The following RBFOX1 variants were observed in gnomAD, a reference collection of about 807,000 sequenced individuals.
The protein encoded by RBFOX1 is RNA binding fox-1 homolog 1.
A neutral mutation model predicts 57.7 loss-of-function variants in RBFOX1; 8 were observed. The ratio of observed to expected loss-of-function variants is 0.14; its 90% CI spans 0.08 to 0.25. The LOEUF (loss-of-function observed/expected upper bound fraction) is 0.25, where lower values mean the gene tolerates loss of function less well. Among genes scored for constraint, RBFOX1 ranks in the 10% least tolerant of loss-of-function variants. The probability of loss-of-function intolerance (pLI) is 1.00; values close to 1 mark genes in which losing one functional copy is unlikely to be tolerated. For synonymous variants in RBFOX1, 326 were observed against 222.4 expected, an observed-to-expected ratio of 1.47 and a Z score of -4.15; for missense variants, 611 against 548.5, an observed-to-expected ratio of 1.11 and a Z score of -1.14.
rs1035036423 is a variant in RBFOX1 at position 7,365,694 on chromosome 16, G to A, written c.28-152453G>A. 4.6e-5 allele frequency among the ~76,000 whole-genome samples: 7 copies of A among 152,170 alleles called. No individual in the cohort carries two copies. In the East Asian group the frequency reaches 1.4e-3, roughly 29 times the overall value. The stretch of plus-strand genomic sequence containing the variant: ...CAGTAAAGGTACTTTACTTCCCACA[G>A]TACAGAATTATAGCACCCAAAATAT... On this transcript the variant is annotated intron_variant, in intron 4 of 15. Coordinates refer to ENST00000550418, the MANE Select transcript of RBFOX1 (RefSeq NM_018723.4).
intron 2 of RBFOX1, among the ~76,000 whole-genome samples, chr16:5,524,355 G>A (rs2044148974): frequency 6.6e-6 from 1 of 152,148 alleles, no homozygotes; most frequent in Admixed American, 6.5e-5. Flanking sequence ...CATTGCCTTC[G>A]AGAGACACTT....
rs186157859 is a variant in RBFOX1, at chr16:5,546,893, A to G, written c.259-52009A>G. Among the ~76,000 whole-genome samples the G allele has an allele frequency of 1.5e-4, 23 of 152,304 alleles. No homozygotes were observed. In the East Asian group the frequency reaches 2.7e-3, roughly 18 times the overall value. On this transcript the variant is annotated intron_variant, in intron 2 of 2. Coordinates refer to the RBFOX1 transcript ENST00000585867. ...GACTTATGTGTAGAATGGGTAAAGA[A>G]CTCTCAAAACTCGATAATAAGACAA...
chr16:6,255,902 C>T (rs1461714363), intron 1 of RBFOX1, among the ~76,000 whole-genome samples: 1 of 151,176 alleles, frequency 6.6e-6, no homozygotes, highest in Non-Finnish European at 1.5e-5. Flanking sequence ...TGGTGGGGTG[C>T]AAAGGGAGGG....
chr16:5,318,637 G>T (rs977068115), intron 1 of RBFOX1, among the ~76,000 whole-genome samples: 1 of 152,172 alleles, frequency 6.6e-6, no homozygotes, highest in East Asian at 1.9e-4. Flanking sequence ...GGAGCCCAGG[G>T]TTCCTCCTTG....
intron 2 of RBFOX1, among the ~76,000 whole-genome samples, chr16:6,587,422 C>T (rs2097645212): frequency 6.6e-6 from 1 of 152,134 alleles, no homozygotes; most frequent in Admixed American, 6.6e-5. Context: ...GCTGGGATTA[C>T]AGGTGCACAC....
At chr16:6,843,106 G>T (rs1257505891) in intron 3 of RBFOX1, among the ~76,000 whole-genome samples, 4 of 152,118 alleles carry the variant, frequency 2.6e-5, no homozygotes, top group African/African-American at 9.7e-5. Flanking sequence ...ATTGTAAATA[G>T]GTTGTTTCTT....
At chr16:5,980,541 G>A (rs865810894) in intron 4 of RBFOX1, among the ~76,000 whole-genome samples, 1 of 152,152 alleles carries the variant, frequency 6.6e-6, no homozygotes, top group East Asian at 1.9e-4. Flanking sequence ...GTGATCCTCC[G>A]CATTCTCAGA....
At chr16:6,796,668 T>C (rs1057260648) in intron 3 of RBFOX1, among the ~76,000 whole-genome samples, 8 of 152,204 alleles carry the variant, frequency 5.3e-5, no homozygotes, top group Non-Finnish European at 1.2e-4. Flanking sequence ...TTCTTAAATA[T>C]GTACAGATGT....
At chr16:6,494,870 G>A (rs137933419) in intron 2 of RBFOX1, among the ~76,000 whole-genome samples, 1 of 152,288 alleles carries the variant, frequency 6.6e-6, no homozygotes, top group Non-Finnish European at 1.5e-5. Context: ...AGAATAGCCA[G>A]CATTTATGTA....
In RBFOX1 at chr16:7,515,434, G is replaced by A. The variant is rs961811149; in HGVS notation, c.28-2713G>A. 4.6e-5 allele frequency among the ~76,000 whole-genome samples: 7 copies of A among 152,030 alleles called. No individual in the cohort carries two copies. In the East Asian group the frequency reaches 1.2e-3, roughly 25 times the overall value. ...AAATACTGTATTATATACTGGAAGT[G>A]TGCTAAGAGGATAGATCTTAAATTA... On this transcript the variant is annotated intron_variant, in intron 4 of 15. Transcript: ENST00000550418.
intron 1 of RBFOX1, among the ~76,000 whole-genome samples, chr16:5,277,959 T>C (rs972286494): frequency 6.6e-6 from 1 of 152,170 alleles, no homozygotes; most frequent in Non-Finnish European, 1.5e-5. Context: ...GCAGTAAATA[T>C]GGGGGTACGG....
intron 3 of RBFOX1, among the ~76,000 whole-genome samples, chr16:6,774,444 C>G (rs1042739000): frequency 6.6e-6 from 1 of 152,072 alleles, no homozygotes; most frequent in Non-Finnish European, 1.5e-5. Context: ...GTTCCAGAAG[C>G]AAATTAAATA....
At chr16:7,143,811 T>C (rs973190203) in intron 4 of RBFOX1, among the ~76,000 whole-genome samples, 26 of 152,302 alleles carry the variant, frequency 1.7e-4, no homozygotes, top group African/African-American at 5.5e-4. Context: ...ATACTGCTTA[T>C]ACACAGTATA....
chr16:5,796,610 A>T (rs929291316), intron 3 of RBFOX1, among the ~76,000 whole-genome samples: 13 of 152,358 alleles, frequency 8.5e-5, no homozygotes, highest in African/African-American at 3.1e-4. Context: ...CAGACCTTTC[A>T]TGAGCACTAA....
chr16:7,497,175 A>T (rs1367906622), intron 4 of RBFOX1, among the ~76,000 whole-genome samples: 1 of 152,066 alleles, frequency 6.6e-6, no homozygotes, highest in Non-Finnish European at 1.5e-5. Flanking sequence ...AATACAAACT[A>T]CTTTATGTGT....
chr16:6,149,857 A>G (rs1164324889), intron 1 of RBFOX1, among the ~76,000 whole-genome samples: 2 of 152,238 alleles, frequency 1.3e-5, no homozygotes, highest in Non-Finnish European at 2.9e-5. Flanking sequence ...TCTTCATGAA[A>G]GTGGTTTGCC....
intron 3 of RBFOX1, among the ~76,000 whole-genome samples, chr16:6,881,834 A>G (rs994826263): frequency 2.0e-5 from 3 of 148,656 alleles, no homozygotes; most frequent in African/African-American, 7.5e-5. Context: ...CCTATTTTAC[A>G]GAGCAGGAAA....
chr16:6,637,120 A>ATATACAATAT (rs1488183447), intron 2 of RBFOX1, among the ~76,000 whole-genome samples: 1 of 82,896 alleles, frequency 1.2e-5, no homozygotes, highest in African/African-American at 5.0e-5. Context: ...ATAATATATA[A>ATATACAATAT]ATTTATATTA....
chr16:5,550,319 A>C (rs915135872), intron 2 of RBFOX1, among the ~76,000 whole-genome samples: 1 of 152,136 alleles, frequency 6.6e-6, no homozygotes, highest in African/African-American at 2.4e-5. Flanking sequence ...CTGTGAATCC[A>C]TGTTTCCCTG....
Sources: allele counts gnomAD v4.1 joint callset (sites outside exome capture counted in the v4.1 genomes callset), GRCh38; gene constraint gnomAD v4.1.1; transcripts MANE v1.5; gene names NCBI Gene and HGNC (gene_info 2026-07-23, HGNC 2026-07-21).